The following TOX2 variants were observed in gnomAD, a reference collection of about 807,000 sequenced individuals.
The protein encoded by TOX2 is TOX high mobility group box family member 2.
A neutral mutation model predicts 47.4 loss-of-function variants in TOX2; 15 were observed. The observed-to-expected ratio is 0.32, with a 90% CI of 0.21 to 0.49. The LOEUF is 0.49. Among genes scored for constraint, TOX2 ranks in the 20% least tolerant of loss-of-function variants. The pLI is 0.99. For missense variants in TOX2, 622 were observed against 673.1 expected, an observed-to-expected ratio of 0.92 and a Z score of 0.84; for synonymous variants, 290 against 296.6, an observed-to-expected ratio of 0.98 and a Z score of 0.23.
rs191685563 is a variant in TOX2, at chr20:44,006,266, G to C, written c.166-281G>C. Among the ~76,000 whole-genome samples, 5 of 152,286 alleles carry C rather than the reference G, an allele frequency of 3.3e-5. No homozygotes were observed. The East Asian group carries it at 7.7e-4, about 24-fold the overall frequency. On this transcript the variant is annotated intron_variant, in intron 2 of 8. Transcript: ENST00000341197. ...TGGACTGTGATGGCCAGATCTGGTG[G>C]GAAACCAGAGAGGAACAGGGGGAGC...
intron 1 of TOX2, among the ~76,000 whole-genome samples, chr20:43,941,930 G>C (rs2069408722): frequency 1.4e-4 from 21 of 152,134 alleles, no homozygotes; most frequent in Admixed American, 1.4e-3. Context: ...ATATGGGCTT[G>C]GTTGCTACTG....
In TOX2 at chr20:44,054,452, C is replaced by G; in HGVS notation, c.805C>G (p.Pro269Ala). 6.2e-7 allele frequency: 1 copy of G among 1,613,852 alleles called. No individual in the cohort carries two copies. Residue 269 changes from proline (P) to alanine (A), a missense_variant, in exon 5 of 9, where the codon CCC becomes GCC. By Grantham distance (27) the Pro-to-Ala change is conservative. Transcript: ENST00000341197. Reference sequence around the variant, plus strand: ...TCAGGCCGCCATCAAGGGTCAGAACCCCAGTGCCACTTTCGGTGACGTGTC... The same window carrying G: ...TCAGGCCGCCATCAAGGGTCAGAACGCCAGTGCCACTTTCGGTGACGTGTC... ...DTQAAIKGQN[P>A]SATFGDVSKI... is the part of the protein sequence containing the mutation.
intron 3 of TOX2, among the ~76,000 whole-genome samples, chr20:44,009,042 A>G (rs1438286337): frequency 6.6e-6 from 1 of 152,164 alleles, no homozygotes; most frequent in Admixed American, 6.6e-5. Flanking sequence ...GTGGCACAGG[A>G]GGAGGCCTGC....
intron 3 of TOX2, among the ~76,000 whole-genome samples, chr20:44,008,864 A>AC (rs1291383609): frequency 6.6e-6 from 1 of 152,228 alleles, no homozygotes; most frequent in East Asian, 1.9e-4. Context: ...CAGGAACCCC[A>AC]CCAGTGTCAC....
chr20:44,044,175 G>C (rs1473641521), intron 3 of TOX2, among the ~76,000 whole-genome samples: 1 of 151,868 alleles, frequency 6.6e-6, no homozygotes, highest in Non-Finnish European at 1.5e-5. Flanking sequence ...ACTATCGCAA[G>C]AACAAAAAAC....
chr20:44,057,281 T>G (rs1158623916), intron 5 of TOX2, among the ~76,000 whole-genome samples: 1 of 152,176 alleles, frequency 6.6e-6, no homozygotes, highest in Non-Finnish European at 1.5e-5. Flanking sequence ...TTTTCCCAGT[T>G]ATGTTGACTA....
At chr20:44,039,155 A>G (rs1394660818) in intron 3 of TOX2, 1 of 1,262,304 alleles carries the variant, frequency 7.9e-7, no homozygotes, top group Non-Finnish European at 1.0e-6. Context: ...GAGCTCTGCC[A>G]GAGGCTTGGA....
chr20:44,065,179 C>A (rs369250425), intron 6 of TOX2, among the ~76,000 whole-genome samples: 3 of 152,154 alleles, frequency 2.0e-5, no homozygotes, highest in African/African-American at 7.2e-5. Context: ...CACTTCTGAC[C>A]GCTGATGGGG....
intron 5 of TOX2, among the ~76,000 whole-genome samples, chr20:44,062,700 C>CA (rs566797933): frequency 2.0e-5 from 3 of 152,156 alleles, no homozygotes; most frequent in South Asian, 4.1e-4. Context: ...CATGACTAAG[C>CA]AAAAAGAACA....
In TOX2 at chr20:43,983,893, A is replaced by G. The variant is rs556024534; in HGVS notation, c.165+10461A>G. ...GAGGAGGGTGAGGCTCTTCGAAACA[A>G]ATAAAAACCCTCCCCAGTAAATGTA... On this transcript the variant is annotated intron_variant, in intron 2 of 8. Coordinates refer to ENST00000341197, the MANE Select transcript of TOX2 (RefSeq NM_001098797.2). Among the ~76,000 whole-genome samples the G allele has an allele frequency of 4.6e-5, 7 of 152,266 alleles. No individual in the cohort carries two copies. In the East Asian group the frequency reaches 1.4e-3, roughly 29 times the overall value.
rs1000383637 is a variant in TOX2 at position 44,043,388 on chromosome 20, G to A, written c.412-7918G>A. Among the ~76,000 whole-genome samples the A allele has an allele frequency of 5.3e-5, 8 of 152,270 alleles. No individual in the cohort carries two copies. The South Asian group carries it at 1.2e-3, about 24-fold the overall frequency. ...GTCCCTTTGTACCTCTCTGTTCTCAGAAAGAAATAACCACTATTCTGCAGT... is the reference window on the plus strand; with the variant it reads ...GTCCCTTTGTACCTCTCTGTTCTCAAAAAGAAATAACCACTATTCTGCAGT... On this transcript the variant is annotated intron_variant, in intron 3 of 8. Coordinates refer to ENST00000341197, the MANE Select transcript of TOX2 (RefSeq NM_001098797.2).
chr20:43,940,157 G>A (rs2069383308), intron 1 of TOX2, among the ~76,000 whole-genome samples: 1 of 152,040 alleles, frequency 6.6e-6, no homozygotes, highest in Non-Finnish European at 1.5e-5. Context: ...AAAACACAAT[G>A]TGAAGACTTT....
intron 1 of TOX2, among the ~76,000 whole-genome samples, chr20:43,972,320 C>G (rs936362226): frequency 6.6e-6 from 1 of 152,186 alleles, no homozygotes; most frequent in African/African-American, 2.4e-5. Flanking sequence ...CCCCAGAGTT[C>G]CCCATCAGAG....
chr20:44,053,098 C>T (rs1307668844), intron 4 of TOX2, among the ~76,000 whole-genome samples: 1 of 152,200 alleles, frequency 6.6e-6, no homozygotes, highest in Non-Finnish European at 1.5e-5. Context: ...ACTACAGGGT[C>T]CAGGGCTTTT....
chr20:44,016,185 G>C (rs1023880461), intron 3 of TOX2, among the ~76,000 whole-genome samples: 1 of 151,972 alleles, frequency 6.6e-6, no homozygotes, highest in Non-Finnish European at 1.5e-5. Flanking sequence ...CCTTGGTGCC[G>C]TTCCCTTCTC....
At chr20:43,954,996 G>C (rs115959036) in intron 1 of TOX2, among the ~76,000 whole-genome samples, 1 of 152,128 alleles carries the variant, frequency 6.6e-6, no homozygotes, top group Non-Finnish European at 1.5e-5. Flanking sequence ...AAAGCCCTGC[G>C]ACGAGAAGTT....
intron 5 of TOX2, among the ~76,000 whole-genome samples, chr20:44,063,073 T>C (rs546863565): frequency 1.8e-4 from 28 of 152,186 alleles, no homozygotes; most frequent in Non-Finnish European, 3.2e-4. Context: ...TCCACAGACA[T>C]TGGCTTAGGC....
In TOX2 at chr20:43,916,335, C is replaced by G. The variant is rs2069054591; in HGVS notation, c.99+1345C>G. On this transcript the variant is annotated intron_variant, in intron 1 of 8. Coordinates refer to ENST00000341197, the MANE Select transcript of TOX2 (RefSeq NM_001098797.2). This position sits in a 1 kb window ranked among gnomAD's most constrained non-coding sequence, Gnocchi z 5.0. ...AGGCGTCCCGGCGCGGATCCCGGGG[C>G]CTCCCGGGCTGGGCCTCCCTGAGTG... 1.4e-6 allele frequency: 1 copy of G among 724,754 alleles called. No individual in the cohort carries two copies. Among genetic ancestry groups the G allele is most frequent in the South Asian group, 6.2e-5 (1 of 16,104 alleles). The allele number at this position is 724,754 out of a possible 1,614,324, so 44.9% of individuals were successfully genotyped here. A position where few individuals can be genotyped will look rare whatever the true frequency, so the allele number is the denominator to read the frequency against.
chr20:43,958,442 C>T (rs562125109), intron 1 of TOX2, among the ~76,000 whole-genome samples: 15 of 152,338 alleles, frequency 9.8e-5, no homozygotes, highest in Admixed American at 4.6e-4. Flanking sequence ...AACCTGGCTG[C>T]CCAGCCTTTG....
Sources: allele counts gnomAD v4.1 joint callset (sites outside exome capture counted in the v4.1 genomes callset), GRCh38; gene constraint gnomAD v4.1.1; non-coding constraint Gnocchi (gnomAD v3.1); transcripts MANE v1.5; gene names NCBI Gene and HGNC (gene_info 2026-07-23, HGNC 2026-07-21).